POT1: variants seen among roughly 807,000 people sequenced by gnomAD.
POT1 encodes protection of telomeres 1, also known as protection of telomeres protein 1.
A neutral mutation model predicts 78.5 loss-of-function variants in POT1; 47 were observed. The observed-to-expected ratio is 0.60, with a 90% confidence interval of 0.47 to 0.76. The LOEUF is 0.76. Among genes scored for constraint, POT1 ranks in the 30% least tolerant of loss-of-function variants. The probability of loss-of-function intolerance (pLI) is 0.00; values close to 1 mark genes in which losing one functional copy is unlikely to be tolerated. For synonymous variants in POT1, 259 were observed against 260.7 expected (o/e 0.99, Z 0.06); for missense variants, 646 against 749.9 (o/e 0.86, Z 1.62).
At chr7:124,846,667 A>G (rs1376763834) in intron 12 of POT1, among the ~76,000 whole-genome samples, 4 of 150,254 alleles carry the variant, frequency 2.7e-5, no homozygotes, top group Non-Finnish European at 5.9e-5. Flanking sequence ...CTTCAAATAC[A>G]TCATGTATTT....
At chr7:124,885,378 T>C (rs1284513235) in intron 6 of POT1, among the ~76,000 whole-genome samples, 1 of 136,352 alleles carries the variant, frequency 7.3e-6, no homozygotes, top group Non-Finnish European at 1.6e-5. Context: ...GAGGCTGAGG[T>C]GGGAGGATTG....
At chr7:124,899,813 A>T (rs2116650496) in intron 3 of POT1, among the ~76,000 whole-genome samples, 1 of 152,258 alleles carries the variant, frequency 6.6e-6, no homozygotes, top group African/African-American at 2.4e-5. Flanking sequence ...TTATACACCA[A>T]ATGCAAATGT....
chr7:124,914,476 T>C (rs1796969084), intron 3 of POT1, among the ~76,000 whole-genome samples: 2 of 152,068 alleles, frequency 1.3e-5, no homozygotes, highest in Non-Finnish European at 2.9e-5. Flanking sequence ...TTCTGCTATG[T>C]ACAAGGCACT....
At chr7:124,875,045 T>C (rs762522318) in intron 6 of POT1, among the ~76,000 whole-genome samples, 8 of 152,252 alleles carry the variant, frequency 5.3e-5, no homozygotes, top group Middle Eastern at 3.4e-3. Flanking sequence ...GGCTCCAGTT[T>C]TAGGTTTTAA....
chr7:124,897,195 T>C lies in POT1; in HGVS notation c.-22A>G. On this transcript the variant is annotated 5_prime_UTR_variant, in exon 5 of 19. It removes the in-frame stop codon of an upstream open reading frame in the 5' UTR. Coordinates refer to ENST00000357628, the MANE Select transcript of POT1 (RefSeq NM_015450.3). ...ACATTGATTCTGTAGAAAAATCTCT[T>C]AAAGATTTGACATAAACCTGAAGGA... 1 of 1,440,772 alleles carries C rather than the reference T, an allele frequency of 6.9e-7. No individual in the cohort carries two copies. Among genetic ancestry groups the C allele is most frequent in the Non-Finnish European group, 9.6e-7 (1 of 1,040,368 alleles). 89.2% of individuals were successfully genotyped at this position (1,440,772 alleles called of 1,614,324 possible). A position where few individuals can be genotyped will look rare whatever the true frequency, so the allele number is the denominator to read the frequency against.
At chr7:124,847,238 T>A (rs1191896180) in intron 11 of POT1, among the ~76,000 whole-genome samples, 1 of 152,340 alleles carries the variant, frequency 6.6e-6, no homozygotes, top group Non-Finnish European at 1.5e-5. Context: ...CTCACGCCTA[T>A]AATCCCAACA....
rs1390602475 is a variant in POT1, at chr7:124,853,135, C to T, written c.706G>A (p.Gly236Arg). ...AGGCTATAGATTCTAAGAAAGCTTC[C>T]AACCTAAAAAATAGATCATTTGTTA... ...HVHVARSLKV[G>R]SFLRIYSLHT... is the part of the protein sequence containing the mutation. Residue 236 changes from glycine to arginine, a missense_variant, in exon 10 of 19, where the codon GGA becomes AGA. Gly to Arg is a moderately radical substitution (Grantham distance 125). Transcript: ENST00000357628. 2 of 1,567,440 alleles carry T rather than the reference C, an allele frequency of 1.3e-6. No homozygotes were observed. Among genetic ancestry groups the T allele is most frequent in the Non-Finnish European group, 1.7e-6 (2 of 1,150,122 alleles).
intron 2 of POT1, among the ~76,000 whole-genome samples, chr7:124,919,253 T>C (rs1010948557): frequency 1.3e-5 from 2 of 152,194 alleles, no homozygotes; most frequent in Non-Finnish European, 2.9e-5. Context: ...TATGATGTTA[T>C]GGGATGGACC....
chr7:124,837,141 G>T, intron 14 of POT1: 1 of 248,048 alleles, frequency 4.0e-6, no homozygotes, highest in South Asian at 4.2e-5. Context: ...CTTTAACCTT[G>T]AGTACTTCAC....
chr7:124,909,715 G>A (rs541461428), intron 3 of POT1, among the ~76,000 whole-genome samples: 107 of 151,970 alleles, frequency 7.0e-4, no homozygotes, highest in African/African-American at 2.5e-3. Flanking sequence ...TATTTAAAAT[G>A]TATTTCAATA....
intron 15 of POT1, among the ~76,000 whole-genome samples, chr7:124,832,719 G>A (rs187029562): frequency 6.6e-6 from 1 of 151,860 alleles, no homozygotes; most frequent in African/African-American, 2.4e-5. Context: ...TCGGCGGGGG[G>A]GTTGAGACAG....
At chr7:124,929,153 A>T (rs1797346840) in intron 1 of POT1, among the ~76,000 whole-genome samples, 154 bp from the exon 2 acceptor site, 3 of 152,210 alleles carry the variant, frequency 2.0e-5, no homozygotes, top group African/African-American at 4.8e-5. Context: ...TATTGCAAAG[A>T]TCAATACAAA....
rs1795649406 is a variant in POT1, at chr7:124,863,520, T to C, written c.376A>G (p.Thr126Ala). ...PRTSSKYFNF[T>A]TEDHKMVEAL... is the part of the protein sequence containing the mutation. ...TCTACCATTTTGTGGTCCTCAGTAG[T>C]GAAGTTAAAATACTTGCTTGAAGTG... The change falls in exon 8 of 19, where the codon ACT (threonine) becomes GCT (alanine). Residue 126 changes from threonine (T) to alanine (A), a missense_variant. By Grantham distance (58) the Thr-to-Ala change is moderately conservative. Transcript: ENST00000357628. 6 of 1,613,840 alleles carry C rather than the reference T, an allele frequency of 3.7e-6. No homozygotes were observed. The highest frequency in any genetic ancestry group is 2.2e-5 in the South Asian group (2 of 91,080).
At chr7:124,888,993 G>A (rs568365325) in intron 6 of POT1, among the ~76,000 whole-genome samples, 3 of 152,070 alleles carry the variant, frequency 2.0e-5, no homozygotes, top group Admixed American at 2.0e-4. Flanking sequence ...TCAAGTGAGA[G>A]AGTCACATGT....
chr7:124,824,044 T>C lies in POT1; in HGVS notation c.1823A>G (p.Lys608Arg). Residue 608 changes from lysine (K) to arginine (R), a missense_variant, in exon 19 of 19, where the codon AAG becomes AGG. By Grantham distance (26) the Lys-to-Arg change is conservative. Around this residue, in one of 2 missense-constraint regions of POT1, gnomAD observed 394 missense variants for 408.4 expected, o/e 0.96. Transcript: ENST00000357628. ...DAYPWLECFI[K>R]SYNVTNGTDN... ...TGTTCCATTTGTGACATTGTATGACTTGATGAAGCATTCCAACCACGGATA... is the reference window on the plus strand; with the variant it reads ...TGTTCCATTTGTGACATTGTATGACCTGATGAAGCATTCCAACCACGGATA... 1 of 1,607,872 alleles carries C rather than the reference T, an allele frequency of 6.2e-7. No individual in the cohort carries two copies. Among genetic ancestry groups the C allele is most frequent in the Non-Finnish European group, 8.5e-7 (1 of 1,176,262 alleles).
chr7:124,914,186 C>G (rs1796960445), intron 3 of POT1, among the ~76,000 whole-genome samples: 1 of 149,964 alleles, frequency 6.7e-6, no homozygotes, highest in Non-Finnish European at 1.5e-5. Flanking sequence ...CTCAATTGTA[C>G]TCCATTGATC....
intron 8 of POT1, among the ~76,000 whole-genome samples, chr7:124,859,932 TTG>T (rs1795545680): frequency 6.6e-6 from 1 of 151,630 alleles, no homozygotes; most frequent in Non-Finnish European, 1.5e-5. Context: ...ATGCAAACGA[TTG>T]GTATACCACG....
chr7:124,852,065 T>C (rs1795324487), intron 10 of POT1, 114 bp from the exon 11 acceptor site: 2 of 678,256 alleles, frequency 2.9e-6, no homozygotes, highest in Admixed American at 2.9e-5. Flanking sequence ...ATTTTGTATG[T>C]ATATGCATTC....
chr7:124,829,977 T>C (rs777879189), intron 15 of POT1, among the ~76,000 whole-genome samples: 22 of 152,114 alleles, frequency 1.4e-4, no homozygotes, highest in Admixed American at 3.3e-4. Context: ...GGATTACAGG[T>C]GTGAGCCACC....
Sources: gnomAD v4.1 joint callset for allele counts (sites outside exome capture counted in the v4.1 genomes callset) on GRCh38, gnomAD v4.1.1 for gene constraint, gnomAD v4.1.1 regional missense constraint, MANE v1.5 for transcripts, NCBI Gene and HGNC (gene_info 2026-07-23, HGNC 2026-07-21) for gene names.